Variants in PWWP2A observed in about 807,000 individuals in gnomAD.
PWWP2A encodes the protein PWWP domain containing 2A, also known as PWWP domain-containing protein 2A.
In PWWP2A, 18 loss-of-function variants were observed where a neutral mutation model predicts 48.5. That is an observed-to-expected ratio of 0.37 (90% CI 0.26 to 0.55). PWWP2A has a LOEUF of 0.55. Among genes scored for constraint, PWWP2A ranks in the 20% least tolerant of loss-of-function variants. PWWP2A has a pLI of 0.81. For missense variants in PWWP2A, 867 were observed against 976.4 expected (o/e 0.89, Z 1.49); for synonymous variants, 396 against 387.7 (o/e 1.02, Z -0.25).
At chr5:160,056,495 G>A in the PWWP2A span, among the ~76,000 whole-genome samples, 1 of 152,150 alleles carries the variant, frequency 6.6e-6, no homozygotes, top group East Asian at 1.9e-4. Context: ...TTGAGCCTGG[G>A]AGGTCAAGAC....
rs772695902 is a variant in PWWP2A at position 160,119,037 on chromosome 5, C to T, written c.352G>A (p.Ala118Thr). 1.3e-6 allele frequency: 2 copies of T among 1,595,994 alleles called. No individual in the cohort carries two copies. Among genetic ancestry groups the T allele is most frequent in the Admixed American group, 3.4e-5 (2 of 59,342 alleles). Reference sequence around the variant, plus strand: ...GCCGGGGGCTGCTCCGGCGGCGATGCAGGAGAAGGTGGAAGTTCCGGCCCT... The same window carrying T: ...GCCGGGGGCTGCTCCGGCGGCGATGTAGGAGAAGGTGGAAGTTCCGGCCCT... The part of the protein sequence containing the change: ...QGGPELPPSP[A>T]SPPEQPPAPE... Residue 118 changes from alanine to threonine, a missense_variant, in exon 1 of 2, where the codon GCA becomes ACA. Ala to Thr is a moderately conservative substitution (Grantham distance 58, BLOSUM62 0). Coordinates refer to ENST00000307063, the MANE Select transcript of PWWP2A (RefSeq NM_001130864.2).
At chr5:160,096,258 C>T (rs916589215) in intron 1 of PWWP2A, among the ~76,000 whole-genome samples, 1 of 151,980 alleles carries the variant, frequency 6.6e-6, no homozygotes, top group African/African-American at 2.4e-5. Flanking sequence ...GATTAGGTCT[C>T]GGATAGTCCA....
chr5:160,052,547 G>GAAAAA, the PWWP2A span, among the ~76,000 whole-genome samples: 1 of 6,586 alleles, frequency 1.5e-4, no homozygotes, highest in Admixed American at 1.5e-3. Context: ...CTCTATTTTA[G>GAAAAA]CAAAAAAAAA....
At chr5:160,052,572 A>AAAT in the PWWP2A span, among the ~76,000 whole-genome samples, 2 of 148,986 alleles carry the variant, frequency 1.3e-5, no homozygotes, top group East Asian at 4.0e-4. Flanking sequence ...AAAAAAAAAA[A>AAAT]AACTGTTTGC....
chr5:160,106,452 T>C (rs1756903305), intron 1 of PWWP2A, among the ~76,000 whole-genome samples: 1 of 152,042 alleles, frequency 6.6e-6, no homozygotes. Context: ...GTAGCTACTA[T>C]AAAACACAGA....
At chr5:160,100,999 T>TAGAG (rs961735506) in intron 1 of PWWP2A, among the ~76,000 whole-genome samples, 1 of 152,136 alleles carries the variant, frequency 6.6e-6, no homozygotes, top group African/African-American at 2.4e-5. Context: ...GCTAGACAGA[T>TAGAG]AGAGATATAT....
chr5:160,065,062 A>AT (rs1287314139), intron 4 of PWWP2A: 9 of 1,608,232 alleles, frequency 5.6e-6, no homozygotes, highest in Non-Finnish European at 6.8e-6. Flanking sequence ...ATAATAACAG[A>AT]TAACAAAGAT....
At chr5:160,089,339 A>T (rs1754887773), downstream of PWWP2A, among the ~76,000 whole-genome samples, 1 of 152,144 alleles carries the variant, frequency 6.6e-6, no homozygotes, top group African/African-American at 2.4e-5. Context: ...AATAGCTGGG[A>T]CTATAGGCGT....
rs1561671159 is a variant in PWWP2A at position 160,093,457 on chromosome 5, A to G, written c.1193T>C (p.Val398Ala). The change falls in exon 2 of 2, where the codon GTA (valine) becomes GCA (alanine). Residue 398 changes from valine (V) to alanine (A), a missense_variant. Physicochemically the swap from Val to Ala is moderately conservative, Grantham distance 64 (BLOSUM62 0). This residue lies in a region of PWWP2A where 382 missense variants were observed against 407.2 expected (regional missense o/e 0.94). Coordinates refer to ENST00000307063, the MANE Select transcript of PWWP2A (RefSeq NM_001130864.2). The surrounding 1 kb of genome is among the most constrained non-coding windows in gnomAD (Gnocchi z 5.8). Reference protein sequence around the residue: ...VSNIAHSRGRVVKVSAQANTS... With the variant: ...VSNIAHSRGRAVKVSAQANTS... ...ATTTGCCTGAGCAGAAACTTTTACT[A>G]CTCTGCCTCTGCTGTGAGCAATATT... The G allele has an allele frequency of 6.2e-7, 1 of 1,613,436 alleles. No individual in the cohort carries two copies. The highest frequency in any genetic ancestry group is 8.5e-7 in the Non-Finnish European group (1 of 1,179,772).
chr5:160,091,308 T>G (rs1156863143), downstream of PWWP2A: 32 of 979,448 alleles, frequency 3.3e-5, no homozygotes, highest in African/African-American at 5.3e-5. Context: ...TTGAAATTTT[T>G]CAAAGCTTTT....
At chr5:160,061,244 G>C (rs1033766355), downstream of PWWP2A, among the ~76,000 whole-genome samples, 1 of 152,212 alleles carries the variant, frequency 6.6e-6, no homozygotes, top group Non-Finnish European at 1.5e-5. Context: ...TATGGCCTTT[G>C]GTGCCTGGTT....
chr5:160,045,833 C>G, the PWWP2A span, among the ~76,000 whole-genome samples: 4 of 152,056 alleles, frequency 2.6e-5, no homozygotes, highest in Admixed American at 1.3e-4. Context: ...ACCTCTGCCT[C>G]CCAGGTTCAA....
rs1188869300 is a variant in PWWP2A at position 160,093,871 on chromosome 5, G to A, written c.779C>T (p.Ser260Phe). 2 of 1,613,946 alleles carry A rather than the reference G, an allele frequency of 1.2e-6. No individual in the cohort carries two copies. Among genetic ancestry groups the A allele is most frequent in the Non-Finnish European group, 1.7e-6 (2 of 1,179,916 alleles). Residue 260 changes from serine to phenylalanine, a missense_variant, in exon 2 of 2, where the codon TCC becomes TTC. Ser to Phe is a radical substitution (Grantham distance 155, BLOSUM62 -2). Transcript: ENST00000307063. The surrounding 1 kb of genome is among the most constrained non-coding windows in gnomAD (Gnocchi z 5.8). ...TTCATGGAAGAGAGGTGGTGGTTTG[G>A]AAGTCCACAGGCTTTCAGCCAAGCT... is the stretch of plus-strand genomic sequence containing the variant. ...ELSLAESLWT[S>F]KPPPLFHEGA...
intron 1 of PWWP2A, among the ~76,000 whole-genome samples, chr5:160,103,383 T>A: frequency 6.6e-6 from 1 of 152,130 alleles, no homozygotes; most frequent in Non-Finnish European, 1.5e-5. Context: ...TAAGTCTATA[T>A]GAAACACAGT....
intron 1 of PWWP2A, among the ~76,000 whole-genome samples, chr5:160,113,713 A>G (rs1055844376): frequency 7.2e-5 from 11 of 152,190 alleles, no homozygotes; most frequent in Non-Finnish European, 1.5e-4. Flanking sequence ...TACCCAACTA[A>G]AGAATCTGCT....
downstream of PWWP2A, among the ~76,000 whole-genome samples, chr5:160,075,478 C>G (rs994234530): frequency 6.6e-6 from 1 of 152,132 alleles, no homozygotes; most frequent in Middle Eastern, 3.2e-3. Context: ...AACCCTTGAC[C>G]TCTCACTCAA....
chr5:160,083,605 A>C (rs1293806098), intron 2 of PWWP2A, among the ~76,000 whole-genome samples: 2 of 152,200 alleles, frequency 1.3e-5, no homozygotes, highest in African/African-American at 2.4e-5. Flanking sequence ...CATCTTTGTG[A>C]AGTTCTCCTA....
rs1409613197 is a variant in PWWP2A, at chr5:160,093,287, T to C, written c.1363A>G (p.Lys455Glu). Residue 455 changes from lysine to glutamate, a missense_variant, in exon 2 of 2, where the codon AAA becomes GAA. Physicochemically the swap from Lys to Glu is moderately conservative, Grantham distance 56. Transcript: ENST00000307063. The surrounding 1 kb of genome is among the most constrained non-coding windows in gnomAD (Gnocchi z 5.8). ...ETSTSKNAHS[K>E]VHFTRRYQNP... Reference sequence around the variant, plus strand: ...TGATATCGACGTGTGAAATGGACTTTTGAATGTGCATTTTTGGAAGTAGAG... The same window carrying C: ...TGATATCGACGTGTGAAATGGACTTCTGAATGTGCATTTTTGGAAGTAGAG... 1 of 1,614,040 alleles carries C rather than the reference T, an allele frequency of 6.2e-7. No homozygotes were observed.
chr5:160,081,372 A>G (rs113630251), intron 2 of PWWP2A, among the ~76,000 whole-genome samples: 1,936 of 151,294 alleles, frequency 0.013, 48 homozygotes, highest in African/African-American at 0.045. Context: ...CTGAGTAGCT[A>G]GGATTACAGG....
Sources: allele counts gnomAD v4.1 joint callset (sites outside exome capture counted in the v4.1 genomes callset), GRCh38; gene constraint gnomAD v4.1.1; regional missense constraint gnomAD v4.1.1; non-coding constraint Gnocchi (gnomAD v3.1); transcripts MANE v1.5; gene names NCBI Gene and HGNC (gene_info 2026-07-23, HGNC 2026-07-21).